CPA3: variants seen among roughly 807,000 people sequenced by gnomAD.
CPA3 encodes carboxypeptidase A3.
In CPA3, 52 loss-of-function variants were observed where a neutral mutation model predicts 55.8. That is an observed-to-expected ratio of 0.93 (90% CI 0.75 to 1.17). The LOEUF (loss-of-function observed/expected upper bound fraction) is 1.17. Among genes scored for constraint, CPA3 ranks in the 50% most tolerant of loss-of-function variants. CPA3 has a pLI of 0.00. For missense variants in CPA3, 547 were observed against 509.1 expected (o/e 1.07, Z -0.72); for synonymous variants, 179 against 171.2 (o/e 1.05, Z -0.36).
Position 148,888,022 on chromosome 3 carries a change from A to G in CPA3, c.1066+1845A>G, listed in dbSNP as rs190010370. On this transcript the variant is annotated intron_variant, in intron 10 of 10. Coordinates refer to ENST00000296046, the MANE Select transcript of CPA3 (RefSeq NM_001870.4). ...CTACCATTTAACTTTTAAAAATTTCATGAACAACCCTTCCACCACCAAAGA... is the reference window on the plus strand; with the variant it reads ...CTACCATTTAACTTTTAAAAATTTCGTGAACAACCCTTCCACCACCAAAGA... 1.6e-3 allele frequency among the ~76,000 whole-genome samples: 242 copies of G among 152,374 alleles called. 1 individual carries two copies. Among genetic ancestry groups the G allele is most frequent in the Non-Finnish European group, 3.1e-3 (209 of 68,040 alleles).
intron 3 of CPA3, among the ~76,000 whole-genome samples, 192 bp from the exon 4 acceptor site, chr3:148,878,249 T>C (rs367561590): frequency 1.1e-4 from 17 of 152,150 alleles, no homozygotes; most frequent in African/African-American, 4.1e-4. Context: ...AGCACAGCTC[T>C]AGATAAATGG....
At position 148,896,843 on chromosome 3, in the gene CPA3, C is replaced by T; in HGVS notation, c.*136C>T. On this transcript the variant is annotated 3_prime_UTR_variant, in exon 11 of 11. Transcript: ENST00000296046. ...TCTTGCTCATTTAAGTCCCATGTTACTGCTGTTTGCTTTTACTTACTTTCA... is the reference window on the plus strand; with the variant it reads ...TCTTGCTCATTTAAGTCCCATGTTATTGCTGTTTGCTTTTACTTACTTTCA... 1 of 686,018 alleles carries T rather than the reference C, an allele frequency of 1.5e-6. No homozygotes were observed. The highest frequency in any genetic ancestry group is 2.2e-6 in the Non-Finnish European group (1 of 448,334). 42.5% of individuals were successfully genotyped at this position (686,018 alleles called of 1,614,324 possible). A position where few individuals can be genotyped will look rare whatever the true frequency, so the allele number is the denominator to read the frequency against.
chr3:148,873,590 T>C lies in CPA3; in HGVS notation c.269+4551T>C, dbSNP rs1389853183. ...ATGAGAGTTGGTTGATTGGGCCAAC[T>C]GTGCACCAACCTCCGAAGACTAAGG... On this transcript the variant is annotated intron_variant, in intron 3 of 10. Transcript: ENST00000296046. Among the ~76,000 whole-genome samples the C allele has an allele frequency of 7.2e-5, 11 of 152,356 alleles. No homozygotes were observed. The East Asian group carries it at 1.9e-3, about 27-fold the overall frequency.
chr3:148,887,420 G>A (rs367574837), intron 10 of CPA3, among the ~76,000 whole-genome samples: 3 of 152,154 alleles, frequency 2.0e-5, no homozygotes, highest in Non-Finnish European at 4.4e-5. Flanking sequence ...CCTATGAGGT[G>A]GGGAGTAGTA....
chr3:148,888,097 A>G (rs188526977), intron 10 of CPA3, among the ~76,000 whole-genome samples: 196 of 152,358 alleles, frequency 1.3e-3, no homozygotes, highest in Middle Eastern at 3.4e-3. Flanking sequence ...TAAAAAATAC[A>G]TATGTGCATA....
chr3:148,883,457 T>C (rs563452449), intron 8 of CPA3, among the ~76,000 whole-genome samples, 156 bp from the exon 9 acceptor site: 1 of 152,356 alleles, frequency 6.6e-6, no homozygotes, highest in African/African-American at 2.4e-5. Context: ...AATGTTAATC[T>C]GTAGTGACTA....
At chr3:148,890,262 A>T (rs1170097204) in intron 10 of CPA3, among the ~76,000 whole-genome samples, 3 of 152,246 alleles carry the variant, frequency 2.0e-5, no homozygotes, top group Non-Finnish European at 4.4e-5. Context: ...CCAATCCTTC[A>T]TCATCTTAGA....
At chr3:148,881,960 A>G (rs1037314483) in intron 7 of CPA3, among the ~76,000 whole-genome samples, 12 of 152,210 alleles carry the variant, frequency 7.9e-5, no homozygotes, top group African/African-American at 2.9e-4. Context: ...AAACCTTTGT[A>G]TTTCATCAAT....
intron 3 of CPA3, among the ~76,000 whole-genome samples, chr3:148,874,156 A>G (rs6766148): frequency 0.65 from 98,118 of 152,020 alleles, 31,967 homozygotes; most frequent in African/African-American, 0.7. Flanking sequence ...TCATGCAGCT[A>G]CATCATTTGT....
chr3:148,896,036 A>T lies in CPA3; in HGVS notation c.1067-484A>T, dbSNP rs913266518. Among the ~76,000 whole-genome samples the T allele has an allele frequency of 1.8e-4, 27 of 152,348 alleles. 1 individual carries two copies. The highest frequency in any genetic ancestry group is 6.3e-4 in the African/African-American group (26 of 41,580). On this transcript the variant is annotated intron_variant, in intron 10 of 10. Coordinates refer to ENST00000296046, the MANE Select transcript of CPA3 (RefSeq NM_001870.4). ...TTAGGAGATTAAATATGTCTTTAAA[A>T]TAACTAAATTACATTTTCTTGGTCT...
chr3:148,868,813 G>T, intron 2 of CPA3, 102 bp from the exon 3 acceptor site: 1 of 1,320,544 alleles, frequency 7.6e-7, no homozygotes, highest in Non-Finnish European at 1.0e-6. Flanking sequence ...GTTATGCTGA[G>T]CCCCAAATTC....
In CPA3 at chr3:148,896,565, T is replaced by C. The variant is rs1337125091; in HGVS notation, c.1112T>C (p.Ile371Thr). ...SSLDWAYDLGIKHTFAFELRD... is the reference protein window; with the variant it reads ...SSLDWAYDLGTKHTFAFELRD... ...TTAGACTGGGCTTATGACCTGGGCA[T>C]CAAACACACATTTGCCTTTGAGCTC... is the stretch of plus-strand genomic sequence containing the variant. Residue 371 changes from isoleucine (I) to threonine (T), a missense_variant, in exon 11 of 11, where the codon ATC becomes ACC. Ile to Thr is a moderately conservative substitution (Grantham distance 89). Coordinates refer to ENST00000296046, the MANE Select transcript of CPA3 (RefSeq NM_001870.4). The C allele has an allele frequency of 6.4e-7, 1 of 1,566,958 alleles. No homozygotes were observed. Among genetic ancestry groups the C allele is most frequent in the Non-Finnish European group, 8.7e-7 (1 of 1,144,538 alleles).
intron 10 of CPA3, among the ~76,000 whole-genome samples, chr3:148,892,164 A>C (rs911814564): frequency 2.0e-5 from 3 of 152,136 alleles, no homozygotes; most frequent in Non-Finnish European, 4.4e-5. Context: ...TTTCCAAAAA[A>C]TAGGGTACAA....
chr3:148,882,632 A>T (rs1239622097), intron 8 of CPA3, 37 bp downstream of exon 8: 1 of 1,559,040 alleles, frequency 6.4e-7, no homozygotes, highest in East Asian at 2.3e-5. Flanking sequence ...AAATTGCTAT[A>T]AGGAATATTT....
rs761469664 is a variant in CPA3 at position 148,865,345 on chromosome 3, C to T, written c.38C>T (p.Thr13Ile). 5 of 1,614,148 alleles carry T rather than the reference C, an allele frequency of 3.1e-6. No individual in the cohort carries two copies. The highest frequency in any genetic ancestry group is 4.2e-6 in the Non-Finnish European group (5 of 1,180,000). The change falls in exon 1 of 11, where the codon ACT (threonine) becomes ATT (isoleucine). Residue 13 changes from threonine (T) to isoleucine (I), a missense_variant. Transcript: ENST00000296046. ...CTGCCTGTGGGTTTGATTGCTACCA[C>T]TCTTGCAATTGCTCCTGTCCGCTTT... The part of the protein sequence containing the change: ...LILPVGLIAT[T>I]LAIAPVRFDR...
At chr3:148,881,198 T>C (rs1197942225) in intron 6 of CPA3, among the ~76,000 whole-genome samples, 2 of 152,202 alleles carry the variant, frequency 1.3e-5, no homozygotes, top group Non-Finnish European at 2.9e-5. Context: ...CAATTAAAAA[T>C]AAGTTGTATT....
At chr3:148,891,891 C>T (rs188398183) in intron 10 of CPA3, among the ~76,000 whole-genome samples, 9 of 152,320 alleles carry the variant, frequency 5.9e-5, no homozygotes, top group African/African-American at 1.9e-4. Flanking sequence ...TACTTTACCT[C>T]CTTTGCTACC....
rs779670062 is a variant in CPA3 at position 148,865,476 on chromosome 3, G to A, written c.72G>A (p.Glu24=). 1 of 1,613,646 alleles carries A rather than the reference G, an allele frequency of 6.2e-7. No individual in the cohort carries two copies. Among genetic ancestry groups the A allele is most frequent in the African/African-American group, 1.3e-5 (1 of 74,836 alleles). ...TTTTTCATTTGCCTCCACAAAGGGA[G>A]AAGGTGTTCCGCGTGAAGCCCCAGG... ...LAIAPVRFDR[E]KVFRVKPQDE... Residue 24 remains glutamate (E), a synonymous_variant, in exon 2 of 11, where the codon GAG becomes GAA. Transcript: ENST00000296046.
intron 3 of CPA3, among the ~76,000 whole-genome samples, 200 bp downstream of exon 3, chr3:148,869,239 T>A (rs1165994606): frequency 6.6e-6 from 1 of 152,166 alleles, no homozygotes; most frequent in African/African-American, 2.4e-5. Context: ...ACTTGGCAGT[T>A]CAACATCTAC....
Sources: gnomAD v4.1 joint callset for allele counts (sites outside exome capture counted in the v4.1 genomes callset) on GRCh38, gnomAD v4.1.1 for gene constraint, MANE v1.5 for transcripts, NCBI Gene and HGNC (gene_info 2026-07-23, HGNC 2026-07-21) for gene names.